Variants in KIAA1217 observed in about 807,000 individuals in gnomAD.
KIAA1217 encodes KIAA1217, also known as sickle tail protein homolog.
Under a neutral mutation model 163.9 loss-of-function variants are expected in KIAA1217, and 88 were observed. That is an observed-to-expected ratio of 0.54 (90% CI 0.45 to 0.64). KIAA1217 has a LOEUF of 0.64. Among genes scored for constraint, KIAA1217 ranks in the 30% least tolerant of loss-of-function variants. The pLI, the probability that KIAA1217 is intolerant of heterozygous loss-of-function variation, is 0.00. For missense variants in KIAA1217, 2,372 were observed against 2,475.0 expected, an observed-to-expected ratio of 0.96 and a Z score of 0.88; for synonymous variants, 903 against 923.1, an observed-to-expected ratio of 0.98 and a Z score of 0.39.
intron 1 of KIAA1217, among the ~76,000 whole-genome samples, chr10:23,908,980 G>A (rs7085983): frequency 0.11 from 16,752 of 152,060 alleles, 3,030 homozygotes; most frequent in African/African-American, 0.38. Context: ...TCAACGAGTG[G>A]ATAAAGAAAC....
chr10:24,266,918 A>C (rs1225426765), intron 2 of KIAA1217, among the ~76,000 whole-genome samples: 1 of 152,160 alleles, frequency 6.6e-6, no homozygotes, highest in African/African-American at 2.4e-5. Context: ...TGCCATCTTT[A>C]AAAGCTGTAA....
intron 1 of KIAA1217, among the ~76,000 whole-genome samples, chr10:23,815,371 G>A (rs949295746): frequency 6.6e-5 from 10 of 152,182 alleles, no homozygotes; most frequent in Non-Finnish European, 1.2e-4. Flanking sequence ...TAGGCTGGGC[G>A]CGGTGGCTCA....
At chr10:23,764,020 A>C (rs1834393661) in intron 1 of KIAA1217, among the ~76,000 whole-genome samples, 1 of 152,212 alleles carries the variant, frequency 6.6e-6, no homozygotes, top group African/African-American at 2.4e-5. Context: ...GTGAACAGGC[A>C]ACCTACAGAA....
At chr10:24,024,438 A>G (rs1349118786) in intron 2 of KIAA1217, among the ~76,000 whole-genome samples, 1 of 151,656 alleles carries the variant, frequency 6.6e-6, no homozygotes, top group African/African-American at 2.4e-5. Context: ...TCTGAATAGT[A>G]TTATATGGGC....
chr10:23,777,056 T>G (rs1888761), intron 1 of KIAA1217, among the ~76,000 whole-genome samples: 5 of 152,200 alleles, frequency 3.3e-5, no homozygotes, highest in East Asian at 3.9e-4. Flanking sequence ...CATATCATTC[T>G]TATTGTCAGG....
intron 2 of KIAA1217, among the ~76,000 whole-genome samples, chr10:24,251,982 A>C (rs2074602636): frequency 6.6e-6 from 1 of 152,046 alleles, no homozygotes; most frequent in African/African-American, 2.4e-5. Context: ...GTAGATGTTC[A>C]GGACATCGTA....
intron 1 of KIAA1217, among the ~76,000 whole-genome samples, chr10:23,818,351 A>ATAT (rs1554802292): frequency 0.039 from 5,208 of 134,804 alleles, 244 homozygotes; most frequent in African/African-American, 0.11. Flanking sequence ...TATATAAAAA[A>ATAT]ATATATATAT....
At chr10:24,041,624 G>A (rs1284339909) in intron 2 of KIAA1217, among the ~76,000 whole-genome samples, 1 of 152,076 alleles carries the variant, frequency 6.6e-6, no homozygotes, top group Admixed American at 6.6e-5. Flanking sequence ...AGCCCAAAGA[G>A]GTTGGAAATT....
chr10:24,201,816 G>A (rs941466016), intron 2 of KIAA1217, among the ~76,000 whole-genome samples: 3 of 152,142 alleles, frequency 2.0e-5, no homozygotes, highest in African/African-American at 7.2e-5. Context: ...TAAACTCGAG[G>A]GTGAGGCACT....
intron 2 of KIAA1217, among the ~76,000 whole-genome samples, chr10:24,061,453 C>G (rs1315352569): frequency 6.6e-6 from 1 of 152,158 alleles, no homozygotes; most frequent in African/African-American, 2.4e-5. Context: ...ACAGTATTCT[C>G]TATTTGACTA....
At chr10:23,837,822 T>A (rs1159027857) in intron 1 of KIAA1217, among the ~76,000 whole-genome samples, 1 of 152,208 alleles carries the variant, frequency 6.6e-6, no homozygotes, top group East Asian at 1.9e-4. Flanking sequence ...ATTGCAGGCA[T>A]AAGCCACCAC....
At chr10:24,147,006 T>TAAAAAAA (rs755857019) in intron 2 of KIAA1217, among the ~76,000 whole-genome samples, 1 of 110,724 alleles carries the variant, frequency 9.0e-6, no homozygotes. Flanking sequence ...TTTGTTTTGT[T>TAAAAAAA]AAAAAAAAAA....
intron 1 of KIAA1217, among the ~76,000 whole-genome samples, chr10:23,796,688 G>A (rs1836224661): frequency 6.6e-6 from 1 of 152,018 alleles, no homozygotes; most frequent in Admixed American, 6.6e-5. Flanking sequence ...TATGTTCTTT[G>A]ATATCCTGGA....
At chr10:23,823,211 A>G (rs1487364790) in intron 1 of KIAA1217, among the ~76,000 whole-genome samples, 1 of 152,182 alleles carries the variant, frequency 6.6e-6, no homozygotes. Context: ...TCCACTTCTA[A>G]GCACATTCAG....
chr10:24,436,601 A>C (rs1337762172), intron 4 of KIAA1217, among the ~76,000 whole-genome samples: 1 of 151,794 alleles, frequency 6.6e-6, no homozygotes, highest in Non-Finnish European at 1.5e-5. Flanking sequence ...TACGGAAAAT[A>C]CAAAAAATTA....
chr10:24,380,614 CAATAAATA>C (rs56384961), intron 2 of KIAA1217, among the ~76,000 whole-genome samples: 8,190 of 145,440 alleles, frequency 0.056, 331 homozygotes, highest in East Asian at 0.18. Flanking sequence ...TGCACTCTGG[CAATAAATA>C]AATAAATAAA....
intron 2 of KIAA1217, among the ~76,000 whole-genome samples, chr10:24,263,153 T>A (rs1457984204): frequency 6.6e-6 from 1 of 152,202 alleles, no homozygotes; most frequent in Admixed American, 6.5e-5. Flanking sequence ...GAGTGTGGAT[T>A]GCCTGCAGGG....
intron 2 of KIAA1217, among the ~76,000 whole-genome samples, chr10:24,058,961 A>C (rs2060622481): frequency 6.6e-6 from 1 of 151,850 alleles, no homozygotes; most frequent in African/African-American, 2.4e-5. Flanking sequence ...CTTCCTCCTG[A>C]TCTTAGAAGA....
chr10:24,082,148 G>A (rs1436763111), intron 2 of KIAA1217, among the ~76,000 whole-genome samples: 1 of 152,170 alleles, frequency 6.6e-6, no homozygotes, highest in African/African-American at 2.4e-5. Context: ...GATGGCTGTG[G>A]ATAACTTCAC....
Sources: allele counts gnomAD v4.1 joint callset (sites outside exome capture counted in the v4.1 genomes callset), GRCh38; gene constraint gnomAD v4.1.1; transcripts MANE v1.5; gene names NCBI Gene and HGNC (gene_info 2026-07-23, HGNC 2026-07-21).